Variants in MEI4 observed in about 807,000 individuals in gnomAD.
MEI4 encodes meiosis-specific protein MEI4.
MEI4 carries 27 observed loss-of-function variants against 31.4 expected under a neutral mutation model. The ratio of observed to expected loss-of-function variants is 0.86; its 90% CI spans 0.63 to 1.19. The LOEUF is 1.19. Among genes scored for constraint, MEI4 ranks in the 50% most tolerant of loss-of-function variants. The pLI, the probability that MEI4 is intolerant of heterozygous loss-of-function variation, is 0.00. For missense variants in MEI4, 329 were observed against 398.9 expected, an observed-to-expected ratio of 0.82 and a Z score of 1.49; for synonymous variants, 122 against 145.4, an observed-to-expected ratio of 0.84 and a Z score of 1.16.
chr6:77,766,641 T>G (rs1274255520), intron 3 of MEI4, among the ~76,000 whole-genome samples: 1 of 152,098 alleles, frequency 6.6e-6, no homozygotes, highest in Non-Finnish European at 1.5e-5. Flanking sequence ...CTCGATCTCC[T>G]GACCTCGTGA....
chr6:77,821,424 A>G (rs1279299842), intron 3 of MEI4, among the ~76,000 whole-genome samples: 3 of 152,168 alleles, frequency 2.0e-5, no homozygotes, highest in Admixed American at 2.0e-4. Flanking sequence ...AAGTAGCTTC[A>G]TCTCTCAGCA....
chr6:77,866,592 G>GA (rs1771035034), intron 4 of MEI4, among the ~76,000 whole-genome samples: 1 of 152,166 alleles, frequency 6.6e-6, no homozygotes, highest in African/African-American at 2.4e-5. Context: ...CAAAGAAATG[G>GA]AAAAACATTC....
At chr6:77,737,255 C>T (rs1334716599) in intron 2 of MEI4, among the ~76,000 whole-genome samples, 2 of 152,150 alleles carry the variant, frequency 1.3e-5, no homozygotes, top group African/African-American at 4.8e-5. Flanking sequence ...GCTATTTAGA[C>T]AGAGTAATTA....
chr6:77,831,884 A>AT (rs1206364821), intron 4 of MEI4, among the ~76,000 whole-genome samples: 43 of 152,160 alleles, frequency 2.8e-4, no homozygotes, highest in East Asian at 2.1e-3. Context: ...AAATTATAAC[A>AT]TTTTTTATAT....
In MEI4 at chr6:77,874,355, CT is replaced by C. The variant is rs1277930151; in HGVS notation, c.900+45294del. ...AAGTTGGATTCCTAGGTATTTTATT[CT>C]CTTTGAAGCAATTGTGAATGGGAAT... On this transcript the variant is annotated intron_variant, in intron 4 of 4. Transcript: ENST00000684080. Among the ~76,000 whole-genome samples, 12 of 152,226 alleles carry C rather than the reference CT, an allele frequency of 7.9e-5. No individual in the cohort carries two copies. In the East Asian group the frequency reaches 2.3e-3, roughly 29 times the overall value.
chr6:77,769,567 G>C (rs745976327), intron 3 of MEI4, among the ~76,000 whole-genome samples: 19 of 152,048 alleles, frequency 1.2e-4, no homozygotes, highest in Non-Finnish European at 1.5e-4. Context: ...CCAACCCCAG[G>C]CAGTACAGAT....
chr6:77,764,587 A>G (rs1768123082), intron 3 of MEI4, among the ~76,000 whole-genome samples: 2 of 152,198 alleles, frequency 1.3e-5, no homozygotes, highest in South Asian at 4.1e-4. Flanking sequence ...GCTGACTTGA[A>G]CAACACTGTA....
At chr6:77,735,454 G>T (rs527876913) in intron 2 of MEI4, among the ~76,000 whole-genome samples, 1 of 151,754 alleles carries the variant, frequency 6.6e-6, no homozygotes, top group Non-Finnish European at 1.5e-5. Context: ...CATTCTTCAC[G>T]TAGTTCTCGA....
intron 3 of MEI4, among the ~76,000 whole-genome samples, chr6:77,789,982 A>G (rs1299527061): frequency 2.0e-5 from 3 of 152,094 alleles, no homozygotes; most frequent in Non-Finnish European, 4.4e-5. Flanking sequence ...ACTATTCACA[A>G]TAGCAAAGTC....
intron 2 of MEI4, among the ~76,000 whole-genome samples, chr6:77,707,946 G>A (rs1194438897): frequency 6.6e-6 from 1 of 152,220 alleles, no homozygotes; most frequent in Admixed American, 6.5e-5. Context: ...AGGAAAGCTT[G>A]GGTACCCAGC....
intron 1 of MEI4, among the ~76,000 whole-genome samples, chr6:77,661,110 G>A (rs897653299): frequency 1.3e-5 from 2 of 152,122 alleles, no homozygotes; most frequent in East Asian, 1.9e-4. Context: ...GTAGCATCTC[G>A]AGGACAGGCT....
chr6:77,837,913 ATACT>A (rs1305086606), intron 4 of MEI4, among the ~76,000 whole-genome samples: 2 of 152,166 alleles, frequency 1.3e-5, no homozygotes, highest in African/African-American at 4.8e-5. Context: ...AATTAAAATA[ATACT>A]TAATCGTTTT....
At chr6:77,674,124 T>C (rs1768797994) in intron 1 of MEI4, among the ~76,000 whole-genome samples, 1 of 152,174 alleles carries the variant, frequency 6.6e-6, no homozygotes, top group Non-Finnish European at 1.5e-5. Flanking sequence ...TTTCTGCATT[T>C]TTTGGTAACA....
intron 3 of MEI4, among the ~76,000 whole-genome samples, chr6:77,798,467 G>A (rs997637726): frequency 2.7e-5 from 4 of 148,164 alleles, no homozygotes; most frequent in Non-Finnish European, 4.5e-5. Flanking sequence ...TTATAGATGA[G>A]GCACTTTATT....
intron 2 of MEI4, among the ~76,000 whole-genome samples, chr6:77,737,422 T>C (rs1004996311): frequency 1.3e-5 from 2 of 151,966 alleles, no homozygotes; most frequent in Non-Finnish European, 2.9e-5. Flanking sequence ...TATTGAGCTC[T>C]TAACAATAAA....
intron 4 of MEI4, among the ~76,000 whole-genome samples, chr6:77,893,501 A>G (rs955042217): frequency 6.6e-6 from 1 of 152,218 alleles, no homozygotes; most frequent in Non-Finnish European, 1.5e-5. Flanking sequence ...TAGACATCTC[A>G]TATTGTTCTA....
intron 4 of MEI4, among the ~76,000 whole-genome samples, chr6:77,837,745 A>G (rs981937534): frequency 3.9e-5 from 6 of 152,194 alleles, no homozygotes; most frequent in Middle Eastern, 3.2e-3. Context: ...AAACCAAAAA[A>G]TGGAATACAT....
intron 3 of MEI4, among the ~76,000 whole-genome samples, chr6:77,821,479 G>T (rs116308621): frequency 0.029 from 4,481 of 152,102 alleles, 231 homozygotes; most frequent in African/African-American, 0.1. Context: ...GGCTGGATTT[G>T]CAGATTCTTA....
intron 4 of MEI4, among the ~76,000 whole-genome samples, chr6:77,871,924 G>T (rs1396471620): frequency 6.6e-6 from 1 of 152,008 alleles, no homozygotes; most frequent in Non-Finnish European, 1.5e-5. Flanking sequence ...TACATTTCTA[G>T]AATATTATTG....
Sources: allele counts gnomAD v4.1 joint callset (sites outside exome capture counted in the v4.1 genomes callset), GRCh38; gene constraint gnomAD v4.1.1; transcripts MANE v1.5; gene names NCBI Gene and HGNC (gene_info 2026-07-23, HGNC 2026-07-21).